The following PRKG1 variants were observed in gnomAD, a reference collection of about 807,000 sequenced individuals.
PRKG1 encodes the protein protein kinase cGMP-dependent 1.
In PRKG1, 35 loss-of-function variants were observed where a neutral mutation model predicts 88.1. The observed-to-expected ratio is 0.40, with a 90% confidence interval of 0.30 to 0.53. PRKG1 has a LOEUF of 0.53. PRKG1 is among the 20% of genes least tolerant of loss of function. The pLI is 0.59. For synonymous variants in PRKG1, 303 were observed against 292.5 expected, an observed-to-expected ratio of 1.04 and a Z score of -0.37; for missense variants, 540 against 839.8, an observed-to-expected ratio of 0.64 and a Z score of 4.41.
intron 9 of PRKG1, among the ~76,000 whole-genome samples, chr10:52,224,047 A>G (rs1329927345): frequency 6.6e-6 from 1 of 152,026 alleles, no homozygotes; most frequent in Non-Finnish European, 1.5e-5. Flanking sequence ...TTATAATATA[A>G]ATTAGAGGAC....
At chr10:51,008,617 G>C (rs1467951126) in intron 1 of PRKG1, among the ~76,000 whole-genome samples, 1 of 152,098 alleles carries the variant, frequency 6.6e-6, no homozygotes, top group Non-Finnish European at 1.5e-5. Context: ...CCTCTTGTAA[G>C]ATTACTAGTC....
chr10:51,152,993 T>TTTTTTTTTTTC (rs1846115437), intron 1 of PRKG1, among the ~76,000 whole-genome samples, 171 bp from the exon 2 acceptor site: 1 of 142,716 alleles, frequency 7.0e-6, no homozygotes. Flanking sequence ...TTTTTTTTTT[T>TTTTTTTTTTTC]GTTTTGCTGC....
chr10:51,924,554 T>C (rs1842530627), intron 5 of PRKG1, among the ~76,000 whole-genome samples: 1 of 152,136 alleles, frequency 6.6e-6, no homozygotes, highest in African/African-American at 2.4e-5. Context: ...TTCTCTGAGT[T>C]TCCTGGATTT....
At chr10:52,250,783 T>C (rs974223722) in intron 9 of PRKG1, among the ~76,000 whole-genome samples, 2 of 152,162 alleles carry the variant, frequency 1.3e-5, no homozygotes, top group Non-Finnish European at 2.9e-5. Flanking sequence ...ACTTGTCTCA[T>C]CAGGAGAAGC....
intron 9 of PRKG1, among the ~76,000 whole-genome samples, chr10:52,232,936 T>C (rs868301050): frequency 1.3e-5 from 2 of 152,182 alleles, no homozygotes; most frequent in South Asian, 4.1e-4. Context: ...TAAAGGATGG[T>C]AAATAAGACC....
intron 3 of PRKG1, among the ~76,000 whole-genome samples, chr10:51,780,670 GGTTT>G (rs1198424859): frequency 6.6e-6 from 1 of 151,968 alleles, no homozygotes; most frequent in African/African-American, 2.4e-5. Context: ...TGATTGACTT[GGTTT>G]GTTAGACTTG....
At chr10:52,261,308 T>G (rs928776712) in intron 10 of PRKG1, among the ~76,000 whole-genome samples, 2 of 152,016 alleles carry the variant, frequency 1.3e-5, no homozygotes, top group South Asian at 2.1e-4. Flanking sequence ...AGGGTTAAGG[T>G]AAACGAAGAA....
At chr10:51,528,994 T>C (rs1192236301) in intron 3 of PRKG1, among the ~76,000 whole-genome samples, 1 of 152,134 alleles carries the variant, frequency 6.6e-6, no homozygotes, top group Non-Finnish European at 1.5e-5. Context: ...AAAGGCAGGA[T>C]AGTAGCTATC....
At chr10:51,786,768 A>G (rs1838740342) in intron 3 of PRKG1, among the ~76,000 whole-genome samples, 1 of 152,094 alleles carries the variant, frequency 6.6e-6, no homozygotes, top group Non-Finnish European at 1.5e-5. Context: ...CATTACTTTC[A>G]AGCTTTACTT....
chr10:52,023,399 A>T (rs1468402087), intron 5 of PRKG1, among the ~76,000 whole-genome samples: 3 of 152,230 alleles, frequency 2.0e-5, no homozygotes, highest in Non-Finnish European at 4.4e-5. Context: ...TCTTTATAGT[A>T]GAATGATTTA....
intron 5 of PRKG1, among the ~76,000 whole-genome samples, chr10:51,918,350 T>TA (rs1564708017): frequency 6.6e-5 from 10 of 151,840 alleles, no homozygotes; most frequent in South Asian, 4.2e-4. Flanking sequence ...TTTTATTTTT[T>TA]TTTTTGTGAG....
chr10:51,386,609 G>A (rs1474938559), intron 2 of PRKG1, among the ~76,000 whole-genome samples: 1 of 152,060 alleles, frequency 6.6e-6, no homozygotes, highest in Non-Finnish European at 1.5e-5. Flanking sequence ...TTAATTGATT[G>A]GATCAAGTCC....
chr10:52,204,255 C>T (rs993874326), intron 9 of PRKG1, among the ~76,000 whole-genome samples: 1 of 151,914 alleles, frequency 6.6e-6, no homozygotes, highest in African/African-American at 2.4e-5. Flanking sequence ...GTGCCACTTG[C>T]CTAGCTAATT....
Position 52,266,938 on chromosome 10 carries a change from G to A in PRKG1, c.1174-4412G>A, listed in dbSNP as rs533683891. On this transcript the variant is annotated intron_variant, in intron 10 of 17. Coordinates refer to ENST00000373980, the MANE Select transcript of PRKG1 (RefSeq NM_006258.4). ...GCATAACTATCTAGGCTAGTCCTTG[G>A]CAAGAGGCAGAAGAAAAATATGCAC... Among the ~76,000 whole-genome samples, 8 of 152,090 alleles carry A rather than the reference G, an allele frequency of 5.3e-5. No individual in the cohort carries two copies. In the East Asian group the frequency reaches 7.8e-4, roughly 15 times the overall value.
intron 8 of PRKG1, among the ~76,000 whole-genome samples, chr10:52,139,030 A>G (rs1397916351): frequency 1.3e-5 from 2 of 152,140 alleles, no homozygotes; most frequent in African/African-American, 2.4e-5. Context: ...GGCAAACTAA[A>G]GACTATTCCT....
chr10:51,197,214 A>G (rs1321075510), intron 2 of PRKG1, among the ~76,000 whole-genome samples: 1 of 152,182 alleles, frequency 6.6e-6, no homozygotes, highest in Non-Finnish European at 1.5e-5. Flanking sequence ...GAAGGTTTCA[A>G]AAAGGAAATA....
At chr10:51,340,916 T>A (rs1272116860) in intron 2 of PRKG1, among the ~76,000 whole-genome samples, 1 of 152,176 alleles carries the variant, frequency 6.6e-6, no homozygotes, top group South Asian at 2.1e-4. Context: ...TCTCAGTAAT[T>A]GATTCTACAT....
chr10:51,495,183 C>T (rs1840817216), intron 3 of PRKG1, among the ~76,000 whole-genome samples: 1 of 152,118 alleles, frequency 6.6e-6, no homozygotes. Context: ...CAACCTCTGC[C>T]TCTGGGGTTC....
intron 3 of PRKG1, among the ~76,000 whole-genome samples, chr10:51,533,618 A>T (rs1456819679): frequency 2.2e-4 from 3 of 13,732 alleles, no homozygotes; most frequent in South Asian, 3.9e-3. Flanking sequence ...TAAAAGCTTT[A>T]AAAAAAAAAA....
Sources: gnomAD v4.1 joint callset for allele counts (sites outside exome capture counted in the v4.1 genomes callset) on GRCh38, gnomAD v4.1.1 for gene constraint, MANE v1.5 for transcripts, NCBI Gene and HGNC (gene_info 2026-07-23, HGNC 2026-07-21) for gene names.